Variants in PARD3B observed in about 807,000 individuals in gnomAD.
PARD3B encodes the protein partitioning defective 3 homolog B.
Under a neutral mutation model 130.2 loss-of-function variants are expected in PARD3B, and 103 were observed. The observed-to-expected ratio is 0.79, with a 90% CI of 0.67 to 0.93. PARD3B has a LOEUF of 0.93. PARD3B is among the 40% of genes least tolerant of loss of function. The probability of loss-of-function intolerance (pLI) is 0.00; values close to 1 mark genes in which losing one functional copy is unlikely to be tolerated. For synonymous variants in PARD3B, 583 were observed against 553.2 expected, an observed-to-expected ratio of 1.05 and a Z score of -0.76; for missense variants, 1,609 against 1,499.2, an observed-to-expected ratio of 1.07 and a Z score of -1.21.
intron 1 of PARD3B, among the ~76,000 whole-genome samples, chr2:204,604,995 A>C (rs191031139): frequency 6.6e-6 from 1 of 151,860 alleles, no homozygotes; most frequent in African/African-American, 2.4e-5. Flanking sequence ...CCCAGCTGGG[A>C]CCCTCTTTGT....
At chr2:205,578,466 A>T (rs757650379) in intron 22 of PARD3B, among the ~76,000 whole-genome samples, 1 of 152,230 alleles carries the variant, frequency 6.6e-6, no homozygotes, top group Non-Finnish European at 1.5e-5. Flanking sequence ...TCACCTTGGC[A>T]CCTGTACAGA....
At chr2:204,718,648 A>G (rs540391644) in intron 2 of PARD3B, among the ~76,000 whole-genome samples, 38 of 152,304 alleles carry the variant, frequency 2.5e-4, no homozygotes, top group African/African-American at 6.5e-4. Flanking sequence ...TCCATCCTCA[A>G]CATTGTTATG....
intron 1 of PARD3B, among the ~76,000 whole-genome samples, chr2:204,549,628 A>T (rs1326036817): frequency 2.0e-5 from 3 of 152,196 alleles, no homozygotes; most frequent in Non-Finnish European, 2.9e-5. Context: ...ATGCCCAGCC[A>T]AGGTTGAGAA....
Position 205,460,940 on chromosome 2 carries a change from C to T in PARD3B, c.3044+20268C>T, listed in dbSNP as rs890980967. Among the ~76,000 whole-genome samples, 2 of 152,132 alleles carry T rather than the reference C, an allele frequency of 1.3e-5. No individual in the cohort carries two copies. Among genetic ancestry groups the T allele is most frequent in the Non-Finnish European group, 2.9e-5 (2 of 68,018 alleles). On this transcript the variant is annotated intron_variant, in intron 20 of 22. Coordinates refer to ENST00000406610, the MANE Select transcript of PARD3B (RefSeq NM_001302769.2). This position sits in a 1 kb window ranked among gnomAD's most constrained non-coding sequence, Gnocchi z 4.9. Reference sequence around the variant, plus strand: ...GAAACCACTGATGATGTATTCTGTACCAGCTTAGCCTCCAGTCCAGGGCTT... The same window carrying T: ...GAAACCACTGATGATGTATTCTGTATCAGCTTAGCCTCCAGTCCAGGGCTT...
At chr2:205,385,599 CAATCTCTTTTACATCTCGCCACGCT>C (rs2045633871) in intron 18 of PARD3B, among the ~76,000 whole-genome samples, 1 of 152,050 alleles carries the variant, frequency 6.6e-6, no homozygotes, top group Non-Finnish European at 1.5e-5. Flanking sequence ...AAGTGCTACC[CAATCTCTTTTACATCTCGCCACGCT>C]AATCTCTTTT....
At chr2:204,960,855 G>A (rs1289986231) in intron 2 of PARD3B, among the ~76,000 whole-genome samples, 12 of 152,078 alleles carry the variant, frequency 7.9e-5, no homozygotes, top group African/African-American at 2.4e-4. Flanking sequence ...AAACAAAGGC[G>A]GAGAATACAG....
chr2:205,139,228 A>G (rs1314917090), intron 10 of PARD3B, among the ~76,000 whole-genome samples: 1 of 152,156 alleles, frequency 6.6e-6, no homozygotes. Flanking sequence ...CCAAGTTTAC[A>G]GACAAACTTA....
intron 20 of PARD3B, among the ~76,000 whole-genome samples, chr2:205,445,269 C>T (rs2047866543): frequency 6.6e-6 from 1 of 152,192 alleles, no homozygotes; most frequent in African/African-American, 2.4e-5. Flanking sequence ...TATAGACCCA[C>T]ACTCTCATTT....
At chr2:205,581,396 AAT>A (rs59154581) in intron 22 of PARD3B, among the ~76,000 whole-genome samples, 17,625 of 144,632 alleles carry the variant, frequency 0.12, 1,179 homozygotes, top group East Asian at 0.2. Context: ...AATATATATA[AAT>A]ATATATATAA....
chr2:205,022,479 T>C (rs915804184), intron 3 of PARD3B, among the ~76,000 whole-genome samples: 3 of 152,222 alleles, frequency 2.0e-5, no homozygotes, highest in Admixed American at 6.5e-5. Flanking sequence ...AAGCCCTGTT[T>C]TTAAATAGAG....
At chr2:205,370,446 C>A (rs1324995595) in intron 18 of PARD3B, among the ~76,000 whole-genome samples, 1 of 152,156 alleles carries the variant, frequency 6.6e-6, no homozygotes, top group African/African-American at 2.4e-5. Context: ...GTTTTTCCCA[C>A]AGCATGGCAC....
chr2:205,374,271 C>G (rs1349659223), intron 18 of PARD3B, among the ~76,000 whole-genome samples: 1 of 151,806 alleles, frequency 6.6e-6, no homozygotes, highest in Admixed American at 6.6e-5. Flanking sequence ...GAATCTTTCT[C>G]GGTAGCCCAG....
Position 205,351,724 on chromosome 2 carries a change from A to C in PARD3B, c.2631-49289A>C, listed in dbSNP as rs982163387. Among the ~76,000 whole-genome samples, 1 of 152,142 alleles carries C rather than the reference A, an allele frequency of 6.6e-6. No individual in the cohort carries two copies. Among genetic ancestry groups the C allele is most frequent in the Admixed American group, 6.6e-5 (1 of 15,264 alleles). On this transcript the variant is annotated intron_variant, in intron 18 of 22. Transcript: ENST00000406610. The surrounding 1 kb of genome is among the most constrained non-coding windows in gnomAD (Gnocchi z 4.2). ...ATGATTTTAACTCTAGAATTGCTAA[A>C]GGTAGCTCTGTGAGTAAGGTGGGTT... is the stretch of plus-strand genomic sequence containing the variant.
intron 1 of PARD3B, among the ~76,000 whole-genome samples, chr2:204,633,457 T>C (rs1249575793): frequency 6.6e-6 from 1 of 152,162 alleles, no homozygotes; most frequent in African/African-American, 2.4e-5. Flanking sequence ...TAAAAACAGT[T>C]AATTTAATAT....
At chr2:204,671,627 T>C (rs1574660347) in intron 1 of PARD3B, among the ~76,000 whole-genome samples, 1 of 152,176 alleles carries the variant, frequency 6.6e-6, no homozygotes, top group East Asian at 1.9e-4. Context: ...GCTACTTCCA[T>C]GAAGATAGAG....
intron 21 of PARD3B, among the ~76,000 whole-genome samples, chr2:205,542,478 T>A (rs1478807214): frequency 6.6e-6 from 1 of 152,024 alleles, no homozygotes; most frequent in Non-Finnish European, 1.5e-5. Context: ...CTTCAGTTCT[T>A]CCTTTCTCCT....
intron 3 of PARD3B, among the ~76,000 whole-genome samples, chr2:205,028,868 T>G (rs1697223474): frequency 6.6e-6 from 1 of 152,174 alleles, no homozygotes. Context: ...AAGTCAGTTG[T>G]GTTTTTATAC....
At chr2:205,438,961 T>A (rs1443863603) in intron 19 of PARD3B, among the ~76,000 whole-genome samples, 1 of 152,170 alleles carries the variant, frequency 6.6e-6, no homozygotes, top group Non-Finnish European at 1.5e-5. Flanking sequence ...TTTGTTTTGT[T>A]TTTTGCTTTT....
chr2:205,361,652 T>C (rs922418738), intron 18 of PARD3B, among the ~76,000 whole-genome samples: 1 of 152,200 alleles, frequency 6.6e-6, no homozygotes, highest in Non-Finnish European at 1.5e-5. Flanking sequence ...CTAATCTCAT[T>C]CAGTGTCAGT....
Sources: gnomAD v4.1 joint callset for allele counts (sites outside exome capture counted in the v4.1 genomes callset) on GRCh38, gnomAD v4.1.1 for gene constraint, Gnocchi (gnomAD v3.1) non-coding constraint, MANE v1.5 for transcripts, NCBI Gene and HGNC (gene_info 2026-07-23, HGNC 2026-07-21) for gene names.